ZC3H7B: variants seen among roughly 807,000 people sequenced by gnomAD.
ZC3H7B encodes zinc finger CCCH domain-containing protein 7B.
In ZC3H7B, 35 loss-of-function variants were observed where a neutral mutation model predicts 116.0. The ratio of observed to expected loss-of-function variants is 0.30; its 90% CI spans 0.23 to 0.40. The LOEUF (loss-of-function observed/expected upper bound fraction) is 0.40. ZC3H7B is among the 10% of genes least tolerant of loss of function. The probability of loss-of-function intolerance (pLI) is 1.00; values close to 1 mark genes in which losing one functional copy is unlikely to be tolerated. For missense variants in ZC3H7B, 1,011 were observed against 1,321.5 expected, an observed-to-expected ratio of 0.77 and a Z score of 3.64; for synonymous variants, 502 against 545.6, an observed-to-expected ratio of 0.92 and a Z score of 1.11.
rs568298924 is a variant in ZC3H7B, at chr22:41,355,538, A to C, written c.2104A>C (p.Arg702=). 1 of 1,614,158 alleles carries C rather than the reference A, an allele frequency of 6.2e-7. No homozygotes were observed. The highest frequency in any genetic ancestry group is 1.1e-5 in the South Asian group (1 of 91,078). The change falls in exon 18 of 23, where the codon AGA becomes CGA. Residue 702 remains arginine, a synonymous_variant. Coordinates refer to ENST00000352645, the MANE Select transcript of ZC3H7B (RefSeq NM_017590.6). The stretch of plus-strand genomic sequence containing the variant: ...GAAGTTTGTATGTGGCCAGTGCTGG[A>C]GAAACGGGCAGGTGGTGGAGCCTGA... ...QMKFVCGQCW[R]NGQVVEPDKD... is the part of the protein sequence containing the mutation.
At chr22:41,307,080 TCTC>T in intron 1 of ZC3H7B, among the ~76,000 whole-genome samples, 1 of 151,234 alleles carries the variant, frequency 6.6e-6, no homozygotes, top group East Asian at 2.0e-4. Flanking sequence ...TTCAAGCAAT[TCTC>T]CTGCCTCAGC....
intron 4 of ZC3H7B, among the ~76,000 whole-genome samples, chr22:41,326,484 C>A (rs1281502612): frequency 1.3e-5 from 2 of 148,738 alleles, no homozygotes; most frequent in Non-Finnish European, 1.5e-5. Context: ...ACTGTTCCTC[C>A]CATAGTCTCA....
chr22:41,310,982 G>T (rs1268258210), intron 1 of ZC3H7B, among the ~76,000 whole-genome samples: 6 of 151,606 alleles, frequency 4.0e-5, no homozygotes, highest in Admixed American at 2.0e-4. Flanking sequence ...AGCCAGGATG[G>T]TCTCGATCTC....
rs2036582955 is a variant in ZC3H7B, at chr22:41,346,139, T to C, written c.1596T>C (p.Val532=). The stretch of plus-strand genomic sequence containing the variant: ...TGCTCTTCGACCCGCTGGGGGGTGT[T>C]AAGCGCGGCAGCCTCACCATCGCCA... The part of the protein sequence containing the change: ...RDLLFDPLGG[V]KRGSLTIAKL... The change falls in exon 14 of 23, where the codon GTT becomes GTC. Residue 532 remains valine (V), a synonymous_variant. Coordinates refer to ENST00000352645, the MANE Select transcript of ZC3H7B (RefSeq NM_017590.6). This position sits in a 1 kb window ranked among gnomAD's most constrained non-coding sequence, Gnocchi z 5.3. 1 of 1,613,060 alleles carries C rather than the reference T, an allele frequency of 6.2e-7. No individual in the cohort carries two copies. The highest frequency in any genetic ancestry group is 8.5e-7 in the Non-Finnish European group (1 of 1,179,994).
In ZC3H7B at chr22:41,302,161, C is replaced by T. The variant is rs539660523; in HGVS notation, c.-7+389C>T. On this transcript the variant is annotated intron_variant, in intron 1 of 22. Coordinates refer to ENST00000352645, the MANE Select transcript of ZC3H7B (RefSeq NM_017590.6). This position sits in a 1 kb window ranked among gnomAD's most constrained non-coding sequence, Gnocchi z 5.7. ...CTTCTGGGGTGTCCAGATGCTTTGC[C>T]GACCCCGCGCAGGGGGTCTCGGGGG... Among the ~76,000 whole-genome samples the T allele has an allele frequency of 7.9e-5, 12 of 152,088 alleles. No individual in the cohort carries two copies. Among genetic ancestry groups the T allele is most frequent in the African/African-American group, 2.9e-4 (12 of 41,502 alleles).
At chr22:41,318,528 CAA>C (rs61267547) in intron 1 of ZC3H7B, among the ~76,000 whole-genome samples, 5 of 92,362 alleles carry the variant, frequency 5.4e-5, no homozygotes, top group African/African-American at 8.9e-5. Context: ...GACTCCGCCT[CAA>C]AAAAAAAAAA....
At chr22:41,330,877 T>C (rs1194543716) in intron 6 of ZC3H7B, among the ~76,000 whole-genome samples, 2 of 145,172 alleles carry the variant, frequency 1.4e-5, no homozygotes, top group African/African-American at 2.7e-5. Context: ...TTTTTTTTTT[T>C]TGAGACGGAC....
At chr22:41,320,445 G>A (rs1013386816) in intron 1 of ZC3H7B, among the ~76,000 whole-genome samples, 3 of 152,078 alleles carry the variant, frequency 2.0e-5, no homozygotes, top group Non-Finnish European at 4.4e-5. Context: ...GTCCCTTGAG[G>A]GTACCACACA....
At chr22:41,312,393 GC>G (rs1165900659) in intron 1 of ZC3H7B, among the ~76,000 whole-genome samples, 3 of 151,516 alleles carry the variant, frequency 2.0e-5, no homozygotes, top group African/African-American at 7.3e-5. Flanking sequence ...CTGAGATTAT[GC>G]CACTGCACTA....
At chr22:41,329,471 C>G (rs2036355735) in intron 5 of ZC3H7B, among the ~76,000 whole-genome samples, 2 of 151,980 alleles carry the variant, frequency 1.3e-5, no homozygotes, top group Non-Finnish European at 2.9e-5. Flanking sequence ...GTTGGCCAGG[C>G]TGGTCTTGAA....
In ZC3H7B at chr22:41,349,401, G is replaced by A; in HGVS notation, c.1948+100G>A. 6.7e-7 allele frequency: 1 copy of A among 1,497,462 alleles called. No homozygotes were observed. Among genetic ancestry groups the A allele is most frequent in the Non-Finnish European group, 9.0e-7 (1 of 1,109,554 alleles). The allele number at this position is 1,497,462 out of a possible 1,614,324, so 92.8% of individuals were successfully genotyped here. On this transcript the variant is annotated intron_variant, in intron 16 of 22. Transcript: ENST00000352645. The surrounding 1 kb of genome is among the most constrained non-coding windows in gnomAD (Gnocchi z 4.9). ...GGACTGACTGGGGTGACAGGCCAGGGCCCCATGGTCGCTGGAGGGGGCTTC... is the reference window on the plus strand; with the variant it reads ...GGACTGACTGGGGTGACAGGCCAGGACCCCATGGTCGCTGGAGGGGGCTTC...
chr22:41,318,528 C>CAG (rs774046362), intron 1 of ZC3H7B, among the ~76,000 whole-genome samples: 1 of 92,362 alleles, frequency 1.1e-5, no homozygotes, highest in Non-Finnish European at 2.0e-5. Context: ...GACTCCGCCT[C>CAG]AAAAAAAAAA....
chr22:41,318,678 G>A (rs201992269), intron 1 of ZC3H7B, among the ~76,000 whole-genome samples: 6 of 152,222 alleles, frequency 3.9e-5, no homozygotes, highest in South Asian at 2.1e-4. Flanking sequence ...GAGCCCAGGA[G>A]TTTGAGGCTG....
chr22:41,304,335 G>A (rs2036013598), intron 1 of ZC3H7B, among the ~76,000 whole-genome samples: 1 of 150,936 alleles, frequency 6.6e-6, no homozygotes, highest in South Asian at 2.1e-4. Context: ...AGTGATTCCT[G>A]GGCTCAACAT....
intron 12 of ZC3H7B, 113 bp downstream of exon 12, chr22:41,342,741 A>T: frequency 9.1e-7 from 1 of 1,100,108 alleles, no homozygotes; most frequent in Non-Finnish European, 1.3e-6. Context: ...AAGTGCCAGA[A>T]ATCAGAAGCC....
intron 1 of ZC3H7B, among the ~76,000 whole-genome samples, chr22:41,314,464 T>G (rs1312769982): frequency 6.6e-6 from 1 of 151,876 alleles, no homozygotes; most frequent in Non-Finnish European, 1.5e-5. Flanking sequence ...ACCTATTTTT[T>G]ATTTTTGGGA....
chr22:41,356,159 C>T, intron 20 of ZC3H7B, 97 bp downstream of exon 20: 1 of 1,432,100 alleles, frequency 7.0e-7, no homozygotes, highest in East Asian at 2.3e-5. Flanking sequence ...CCACTGCACC[C>T]CTTTGCTACC....
Position 41,342,536 on chromosome 22 carries a change from C to T in ZC3H7B, c.1205C>T (p.Pro402Leu). Residue 402 changes from proline to leucine, a missense_variant, in exon 12 of 23, where the codon CCC (proline) becomes CTC (leucine). By Grantham distance (98) the Pro-to-Leu change is moderately conservative. Around this residue, in one of 5 missense-constraint regions of ZC3H7B, gnomAD observed 99 missense variants for 89.5 expected, o/e 1.11. Coordinates refer to ENST00000352645, the MANE Select transcript of ZC3H7B (RefSeq NM_017590.6). ...TCCTTCCTCCTGTCACAGCCAGAGC[C>T]CTGCATGCCCAACACTGCCTTGCTC... is the stretch of plus-strand genomic sequence containing the variant. ...GAQKPAPSPE[P>L]CMPNTALLIK... 1 of 1,613,114 alleles carries T rather than the reference C, an allele frequency of 6.2e-7. No homozygotes were observed. Among genetic ancestry groups the T allele is most frequent in the Non-Finnish European group, 8.5e-7 (1 of 1,179,910 alleles).
chr22:41,318,139 A>T (rs2036207615), intron 1 of ZC3H7B, among the ~76,000 whole-genome samples: 1 of 151,942 alleles, frequency 6.6e-6, no homozygotes, highest in Non-Finnish European at 1.5e-5. Context: ...CCGTCTACAA[A>T]ACCTCTATGG....
Sources: allele counts gnomAD v4.1 joint callset (sites outside exome capture counted in the v4.1 genomes callset), GRCh38; gene constraint gnomAD v4.1.1; regional missense constraint gnomAD v4.1.1; non-coding constraint Gnocchi (gnomAD v3.1); transcripts MANE v1.5; gene names NCBI Gene and HGNC (gene_info 2026-07-23, HGNC 2026-07-21).